GLB1L: variants seen among roughly 807,000 people sequenced by gnomAD.
GLB1L encodes the protein galactosidase beta 1 like, also known as beta-galactosidase-1-like protein.
A neutral mutation model predicts 75.7 loss-of-function variants in GLB1L; 58 were observed. The ratio of observed to expected loss-of-function variants is 0.77; its 90% CI spans 0.62 to 0.95. GLB1L has a LOEUF of 0.95. GLB1L is among the 40% of genes least tolerant of loss of function. The pLI is 0.00. For synonymous variants in GLB1L, 296 were observed against 303.0 expected (o/e 0.98, Z 0.24); for missense variants, 797 against 805.5 (o/e 0.99, Z 0.13).
intron 16 of GLB1L, 57 bp downstream of exon 16, chr2:219,237,455 T>A (rs1951277626): frequency 1.2e-6 from 2 of 1,605,888 alleles, no homozygotes. Context: ...GCTCCCCTCC[T>A]TCTGTGATTT....
chr2:219,237,728 C>CTGG lies in GLB1L; in HGVS notation c.1474-2_1474-1insCCA. ...CCAGAATTGGTGGCTTCAACAGGCC[C>CTGG]TATAGGGAAGGAAAATGAAAAGTCA... is the stretch of plus-strand genomic sequence containing the variant. On this transcript the variant is annotated splice_acceptor_variant, in intron 15 of 16. Transcript: ENST00000295759. LOFTEE classifies it high-confidence loss of function. 6.2e-7 allele frequency: 1 copy of CTGG among 1,613,612 alleles called. No individual in the cohort carries two copies. The highest frequency in any genetic ancestry group is 8.5e-7 in the Non-Finnish European group (1 of 1,179,666).
Position 219,243,313 on chromosome 2 carries a change from G to A in GLB1L, c.74C>T (p.Ala25Val), listed in dbSNP as rs1200115361. 5.0e-6 allele frequency: 8 copies of A among 1,593,672 alleles called. No individual in the cohort carries two copies. Among genetic ancestry groups the A allele is most frequent in the Non-Finnish European group, 3.4e-6 (4 of 1,167,212 alleles). Residue 25 changes from alanine (A) to valine (V), a missense_variant and splice_region_variant, in exon 3 of 17, where the codon GCA becomes GTA. Transcript: ENST00000295759. ...PLSLTLLLPQ[A>V]DTRSFVVDRG... is the part of the protein sequence containing the mutation. ...ATCCACTACGAACGACCGAGTGTCT[G>A]CCTATAAAGAGAAAGAGACGCTGCT...
At position 219,237,841 on chromosome 2, in the gene GLB1L, G is replaced by T. The variant is rs761330390; in HGVS notation, c.1458C>A (p.Asn486Lys). 18 of 1,614,160 alleles carry T rather than the reference G, an allele frequency of 1.1e-5. No homozygotes were observed. Among genetic ancestry groups the T allele is most frequent in the Non-Finnish European group, 1.1e-5 (13 of 1,180,028 alleles). Reference protein sequence around the residue: ...ENMGRLSFGSNSSDFKGLLKP... With the variant: ...ENMGRLSFGSKSSDFKGLLKP... Reference sequence around the variant, plus strand: ...GCTAGCTCACCTTGAAGTCACTGCTGTTAGACCCAAAGCTGAGCCTCCCCA... The same window carrying T: ...GCTAGCTCACCTTGAAGTCACTGCTTTTAGACCCAAAGCTGAGCCTCCCCA... The change falls in exon 15 of 17, where the codon AAC (asparagine) becomes AAA (lysine). Residue 486 changes from asparagine (N) to lysine (K), a missense_variant. By Grantham distance (94) the Asn-to-Lys change is moderately conservative. Coordinates refer to ENST00000295759, the MANE Select transcript of GLB1L (RefSeq NM_001286423.2).
Position 219,236,997 on chromosome 2 carries a change from C to T in GLB1L, c.*75G>A. On this transcript the variant is annotated 3_prime_UTR_variant, in exon 17 of 17. Coordinates refer to ENST00000295759, the MANE Select transcript of GLB1L (RefSeq NM_001286423.2). ...GCCAGGCTGGTCTTGAAGTCCTGACCTCAGGTAATCCACCCGTCTCAGCCT... is the reference window on the plus strand; with the variant it reads ...GCCAGGCTGGTCTTGAAGTCCTGACTTCAGGTAATCCACCCGTCTCAGCCT... The T allele has an allele frequency of 9.0e-7, 1 of 1,107,908 alleles. No individual in the cohort carries two copies. Among genetic ancestry groups the T allele is most frequent in the Non-Finnish European group, 1.3e-6 (1 of 749,260 alleles). The allele number at this position is 1,107,908 out of a possible 1,614,324, so 68.6% of individuals were successfully genotyped here.
intron 5 of GLB1L, among the ~76,000 whole-genome samples, chr2:219,241,651 AAG>A (rs1352502184): frequency 6.6e-6 from 1 of 151,496 alleles, no homozygotes; most frequent in Non-Finnish European, 1.5e-5. Context: ...CATGGGGGAG[AAG>A]AGCAATAATG....
intron 5 of GLB1L, among the ~76,000 whole-genome samples, chr2:219,241,432 GTGTGTGTGTGTA>G (rs1364633156): frequency 3.2e-4 from 22 of 68,872 alleles, no homozygotes; most frequent in East Asian, 1.5e-3. Flanking sequence ...GTGTGTGTGT[GTGTGTGTGTGTA>G]TATATATATA....
chr2:219,241,430 G>A (rs1185830083), intron 5 of GLB1L, among the ~76,000 whole-genome samples: 5 of 98,210 alleles, frequency 5.1e-5, no homozygotes, highest in South Asian at 3.5e-4. Context: ...GTGTGTGTGT[G>A]TGTGTGTGTG....
rs996111839 is a variant in GLB1L, at chr2:219,237,870, T to C, written c.1429A>G (p.Asn477Asp). The change falls in exon 15 of 17, where the codon AAC (asparagine) becomes GAC (aspartate). Residue 477 changes from asparagine (N) to aspartate (D), a missense_variant. Asn to Asp is a conservative substitution (Grantham distance 23). Transcript: ENST00000295759. ...LGSKLDILVE[N>D]MGRLSFGSNS... The stretch of plus-strand genomic sequence containing the variant: ...GACCCAAAGCTGAGCCTCCCCATGT[T>C]CTCCACCAAGATATCCAGTTTGGAC... The C allele has an allele frequency of 6.2e-7, 1 of 1,614,094 alleles. No homozygotes were observed.
chr2:219,239,202 T>G lies in GLB1L; in HGVS notation c.952A>C (p.Lys318Gln). The G allele has an allele frequency of 6.2e-7, 1 of 1,610,540 alleles. No individual in the cohort carries two copies. The highest frequency in any genetic ancestry group is 8.5e-7 in the Non-Finnish European group (1 of 1,177,882). The part of the protein sequence containing the change: ...TNFGYWNGAD[K>Q]KGRFLPITTS... The stretch of plus-strand genomic sequence containing the variant: ...GTAATCGGAAGGAAGCGTCCCTTCT[T>G]ATCGGCACCTGAAGTTGAGCCAATT... The change falls in exon 11 of 17, where the codon AAG becomes CAG. Residue 318 changes from lysine (K) to glutamine (Q), a missense_variant. Coordinates refer to ENST00000295759, the MANE Select transcript of GLB1L (RefSeq NM_001286423.2).
intron 11 of GLB1L, 103 bp downstream of exon 11, chr2:219,238,989 G>T: frequency 1.1e-6 from 1 of 919,688 alleles, no homozygotes; most frequent in Non-Finnish European, 1.7e-6. Context: ...AGGCTCTGTG[G>T]CCCAGACAAT....
In GLB1L at chr2:219,237,511, C is replaced by T. The variant is rs201208828; in HGVS notation, c.1689+1G>A. ...ACCCAAACCACCACCATTACCAATA[C>T]CTTGGTCCATCCAGGTAGATATAGA... On this transcript the variant is annotated splice_donor_variant, in intron 16 of 16. Transcript: ENST00000295759. LOFTEE classifies it high-confidence loss of function. 3.1e-6 allele frequency: 5 copies of T among 1,612,906 alleles called. No individual in the cohort carries two copies. Among genetic ancestry groups the T allele is most frequent in the African/African-American group, 1.3e-5 (1 of 74,890 alleles).
Position 219,240,110 on chromosome 2 carries a change from G to T in GLB1L, c.547-16C>A. On this transcript the variant is annotated splice_polypyrimidine_tract_variant and intron_variant, in intron 6 of 16. Transcript: ENST00000295759. ...CATTCTCCACCTGCCAGAGGGGAGG[G>T]AAAGTGGAACCCAGCTATGGGATGG... The T allele has an allele frequency of 1.9e-6, 3 of 1,614,182 alleles. No homozygotes were observed. The highest frequency in any genetic ancestry group is 2.5e-6 in the Non-Finnish European group (3 of 1,180,018).
chr2:219,239,515 C>A, intron 9 of GLB1L, 46 bp downstream of exon 9: 1 of 1,613,620 alleles, frequency 6.2e-7, no homozygotes. Flanking sequence ...CTTTCATCCC[C>A]AGCTCCCAGC....
Position 219,242,532 on chromosome 2 carries a change from G to C in GLB1L, c.433C>G (p.Leu145Val), listed in dbSNP as rs1320404363. The change falls in exon 5 of 17, where the codon CTA (leucine) becomes GTA (valine). Residue 145 changes from leucine (L) to valine (V), a missense_variant. Transcript: ENST00000295759. ...SWLLRKPEIH[L>V]RTSDPDFLAA... is the part of the protein sequence containing the mutation. The stretch of plus-strand genomic sequence containing the variant: ...AACTCACCTGGATCTGAGGTTCTTA[G>C]ATGAATTTCAGGTTTTCGAAGCAAC... The C allele has an allele frequency of 6.2e-7, 1 of 1,613,318 alleles. No individual in the cohort carries two copies. Among genetic ancestry groups the C allele is most frequent in the Non-Finnish European group, 8.5e-7 (1 of 1,179,322 alleles).
chr2:219,243,194 C>G lies in GLB1L; in HGVS notation c.193G>C (p.Asp65His). 1.2e-6 allele frequency: 2 copies of G among 1,613,818 alleles called. No homozygotes were observed. Among genetic ancestry groups the G allele is most frequent in the Non-Finnish European group, 8.5e-7 (1 of 1,179,852 alleles). The change falls in exon 3 of 17, where the codon GAC (aspartate) becomes CAC (histidine). Residue 65 changes from aspartate to histidine, a missense_variant. Asp to His is a moderately conservative substitution (Grantham distance 81). Transcript: ENST00000295759. ...YFRVPRVLWA[D>H]RLLKMRWSGL... ...CTCCATCGCATCTTCAAAAGCCGGT[C>G]GGCCCAAAGCACCCGCGGTACCCGA...
At chr2:219,239,536 T>C (rs779077511) in intron 9 of GLB1L, 25 bp downstream of exon 9, 1 of 1,614,182 alleles carries the variant, frequency 6.2e-7, no homozygotes, top group Non-Finnish European at 8.5e-7. Context: ...TACAGATTCA[T>C]ATTGCCCCCA....
intron 14 of GLB1L, 116 bp from the exon 15 acceptor site, chr2:219,238,073 A>G: frequency 8.7e-7 from 1 of 1,149,912 alleles, no homozygotes; most frequent in Non-Finnish European, 1.3e-6. Context: ...GCCATCTATC[A>G]CCCATCTATT....
intron 1 of GLB1L, 141 bp from the exon 2 acceptor site, chr2:219,243,784 T>C: frequency 1.8e-6 from 1 of 555,020 alleles, no homozygotes. Flanking sequence ...CGAACCAGCT[T>C]CATCGACATC....
intron 4 of GLB1L, 89 bp from the exon 5 acceptor site, chr2:219,242,663 G>A (rs1951419758): frequency 6.5e-7 from 1 of 1,529,680 alleles, no homozygotes; most frequent in Non-Finnish European, 9.0e-7. Flanking sequence ...AGGAAGGGAA[G>A]GAATTGAATA....
Sources: gnomAD v4.1 joint callset for allele counts (sites outside exome capture counted in the v4.1 genomes callset) on GRCh38, gnomAD v4.1.1 for gene constraint, MANE v1.5 for transcripts, NCBI Gene and HGNC (gene_info 2026-07-23, HGNC 2026-07-21) for gene names.